The following ELAPOR2 variants were observed in gnomAD, a reference collection of about 807,000 sequenced individuals.
ELAPOR2 encodes endosome-lysosome associated apoptosis and autophagy regulator family member 2.
ELAPOR2 carries 89 observed loss-of-function variants against 120.7 expected under a neutral mutation model. The observed-to-expected ratio is 0.74, with a 90% CI of 0.62 to 0.88. ELAPOR2 has a LOEUF of 0.88. ELAPOR2 is among the 40% of genes least tolerant of loss of function. ELAPOR2 has a pLI of 0.00. For missense variants in ELAPOR2, 1,134 were observed against 1,251.6 expected, an observed-to-expected ratio of 0.91 and a Z score of 1.42; for synonymous variants, 444 against 444.9, an observed-to-expected ratio of 1.00 and a Z score of 0.03.
In ELAPOR2 at chr7:87,047,419, G is replaced by A. The variant is rs75486425; in HGVS notation, c.189+11906C>T. On this transcript the variant is annotated intron_variant, in intron 1 of 21. Transcript: ENST00000450689. ...GAGATAACCTACAGAATGGGAGAAA[G>A]TATTTGCATCTGACAAGGGATTACT... Among the ~76,000 whole-genome samples the A allele has an allele frequency of 7.9e-3, 1,199 of 152,152 alleles. 17 individuals carry two copies. The highest frequency in any genetic ancestry group is 0.028 in the African/African-American group (1,152 of 41,516).
Position 86,897,608 on chromosome 7 carries a change from A to C in ELAPOR2, c.2583T>G (p.Asp861Glu). The change falls in exon 19 of 22, where the codon GAT becomes GAG. Residue 861 changes from aspartate to glutamate, a missense_variant. Transcript: ENST00000450689. The part of the protein sequence containing the change: ...VPSKCPAGTC[D>E]GCTFYFLWES... ...CCCACAGGAAATAGAACGTACACCCATCACAGGTACCTGCTGGGCACTTGC... is the reference window on the plus strand; with the variant it reads ...CCCACAGGAAATAGAACGTACACCCCTCACAGGTACCTGCTGGGCACTTGC... The C allele has an allele frequency of 6.2e-7, 1 of 1,613,332 alleles. No homozygotes were observed. The highest frequency in any genetic ancestry group is 8.5e-7 in the Non-Finnish European group (1 of 1,179,506).
intron 18 of ELAPOR2, among the ~76,000 whole-genome samples, chr7:86,904,444 T>G (rs1183121123): frequency 1.3e-5 from 2 of 152,208 alleles, no homozygotes; most frequent in African/African-American, 4.8e-5. Context: ...CAGCCTATTG[T>G]GCTAGCAGTT....
intron 1 of ELAPOR2, among the ~76,000 whole-genome samples, chr7:87,015,514 A>G (rs1028842591): frequency 1.3e-5 from 2 of 152,150 alleles, no homozygotes; most frequent in Non-Finnish European, 2.9e-5. Context: ...CTGGCCAGAC[A>G]TGGTGGTTCA....
Position 86,987,819 on chromosome 7 carries a change from C to G in ELAPOR2, c.190-22795G>C, listed in dbSNP as rs553309904. ...CCTCAAGGATCTAGAGGTAGAAATA[C>G]CATTTGACCCAGCGATCCTATTACT... On this transcript the variant is annotated intron_variant, in intron 1 of 21. Coordinates refer to ENST00000450689, the MANE Select transcript of ELAPOR2 (RefSeq NM_001142749.3). Among the ~76,000 whole-genome samples, 6 of 152,238 alleles carry G rather than the reference C, an allele frequency of 3.9e-5. No individual in the cohort carries two copies. In the East Asian group the frequency reaches 1.2e-3, roughly 29 times the overall value.
intron 1 of ELAPOR2, among the ~76,000 whole-genome samples, chr7:86,988,902 A>G (rs1185488038): frequency 1.3e-5 from 2 of 152,210 alleles, no homozygotes; most frequent in Non-Finnish European, 2.9e-5. Context: ...CCACTCATCC[A>G]AAAATAAATT....
At chr7:86,945,217 T>A (rs1423234205) in intron 3 of ELAPOR2, among the ~76,000 whole-genome samples, 171 bp from the exon 4 acceptor site, 1 of 152,214 alleles carries the variant, frequency 6.6e-6, no homozygotes, top group African/African-American at 2.4e-5. Flanking sequence ...GAGGTCCATT[T>A]CTTATGGCAA....
chr7:86,906,213 A>G (rs1479013808), intron 18 of ELAPOR2, among the ~76,000 whole-genome samples: 1 of 152,014 alleles, frequency 6.6e-6, no homozygotes, highest in Non-Finnish European at 1.5e-5. Flanking sequence ...AAAATGATGA[A>G]AGACACACTC....
At chr7:87,038,360 A>G (rs1162496104) in intron 1 of ELAPOR2, among the ~76,000 whole-genome samples, 2 of 152,232 alleles carry the variant, frequency 1.3e-5, no homozygotes, top group African/African-American at 4.8e-5. Context: ...CATATCTCAA[A>G]ACACACAGAT....
At chr7:86,946,042 G>A in intron 3 of ELAPOR2, among the ~76,000 whole-genome samples, 1 of 151,700 alleles carries the variant, frequency 6.6e-6, no homozygotes, top group Non-Finnish European at 1.5e-5. Flanking sequence ...GTAGAGAATG[G>A]GCAAAACAAT....
chr7:86,967,663 G>T (rs1225062066), intron 1 of ELAPOR2, among the ~76,000 whole-genome samples: 1 of 152,090 alleles, frequency 6.6e-6, no homozygotes, highest in Non-Finnish European at 1.5e-5. Flanking sequence ...CTGTTATTCA[G>T]CCTGCCAGTT....
intron 1 of ELAPOR2, among the ~76,000 whole-genome samples, chr7:87,029,385 G>A (rs1794356149): frequency 6.6e-6 from 1 of 152,148 alleles, no homozygotes; most frequent in African/African-American, 2.4e-5. Flanking sequence ...CCTGGACCCT[G>A]TCCTCAGATC....
rs529590614 is a variant in ELAPOR2, at chr7:86,986,225, C to T, written c.190-21201G>A. ...CGGGCGGATCACGAGGTCAGGAGAT[C>T]GAGACCATCCCGGCTAAAATGGTGA... On this transcript the variant is annotated intron_variant, in intron 1 of 21. Transcript: ENST00000450689. Among the ~76,000 whole-genome samples, 103 of 120,336 alleles carry T rather than the reference C, an allele frequency of 8.6e-4. 21 individuals carry two copies. Among genetic ancestry groups the T allele is most frequent in the Non-Finnish European group, 1.3e-3 (79 of 58,798 alleles). 78.9% of individuals were successfully genotyped at this position (120,336 alleles called of 152,430 possible). A position where few individuals can be genotyped will look rare whatever the true frequency, so the allele number is the denominator to read the frequency against.
intron 2 of ELAPOR2, among the ~76,000 whole-genome samples, chr7:86,952,321 A>C (rs1470233352): frequency 1.3e-5 from 2 of 152,234 alleles, no homozygotes; most frequent in Non-Finnish European, 2.9e-5. Flanking sequence ...AAACTGAGCC[A>C]CAGTGCATTT....
intron 1 of ELAPOR2, among the ~76,000 whole-genome samples, chr7:87,051,275 G>A (rs1795093076): frequency 6.6e-6 from 1 of 151,960 alleles, no homozygotes; most frequent in Non-Finnish European, 1.5e-5. Context: ...AACCAGGAGA[G>A]TTTGGGGTGC....
chr7:86,891,314 T>C (rs1788150399), intron 21 of ELAPOR2: 1 of 153,508 alleles, frequency 6.5e-6, no homozygotes, highest in Non-Finnish European at 1.4e-5. Flanking sequence ...TAGTTCACTA[T>C]TCCCAAAAGG....
chr7:86,960,668 T>A (rs1182898188), intron 2 of ELAPOR2, among the ~76,000 whole-genome samples: 1 of 152,224 alleles, frequency 6.6e-6, no homozygotes, highest in East Asian at 1.9e-4. Context: ...ACTGTCAATG[T>A]CTGCTTTATA....
rs892156253 is a variant in ELAPOR2, at chr7:86,918,507, G to A, written c.1528C>T (p.Leu510=). The part of the protein sequence containing the change: ...TSMTGATGSE[L]GRITFVFETL... ...TCAAAGACAAATGTTATTCTTCCTAGTTCAGAACCCGTGGCTCCAGTCATA... is the reference window on the plus strand; with the variant it reads ...TCAAAGACAAATGTTATTCTTCCTAATTCAGAACCCGTGGCTCCAGTCATA... The change falls in exon 12 of 22, where the codon CTA becomes TTA. Residue 510 remains leucine (L), a synonymous_variant. Transcript: ENST00000450689. The A allele has an allele frequency of 1.2e-6, 2 of 1,613,040 alleles. No individual in the cohort carries two copies. The highest frequency in any genetic ancestry group is 1.7e-6 in the Non-Finnish European group (2 of 1,179,268).
At position 87,045,611 on chromosome 7, in the gene ELAPOR2, G is replaced by A. The variant is rs1051298382; in HGVS notation, c.189+13714C>T. ...TATCACACTCTGGGGGCTGTTGTGG[G>A]GTGGGGGGAGGAGGGAGGGATAGCA... On this transcript the variant is annotated intron_variant, in intron 1 of 21. Transcript: ENST00000450689. Among the ~76,000 whole-genome samples, 15 of 151,104 alleles carry A rather than the reference G, an allele frequency of 9.9e-5. No individual in the cohort carries two copies. The South Asian group carries it at 2.5e-3, about 25-fold the overall frequency.
At chr7:87,056,667 C>T (rs1037565798) in intron 1 of ELAPOR2, among the ~76,000 whole-genome samples, 7 of 152,322 alleles carry the variant, frequency 4.6e-5, no homozygotes, top group African/African-American at 1.7e-4. Flanking sequence ...ACCCCAGAGT[C>T]CATTCCTCTG....
Sources: gnomAD v4.1 joint callset for allele counts (sites outside exome capture counted in the v4.1 genomes callset) on GRCh38, gnomAD v4.1.1 for gene constraint, MANE v1.5 for transcripts, NCBI Gene and HGNC (gene_info 2026-07-23, HGNC 2026-07-21) for gene names.